The following KDM2B variants were observed in gnomAD, a reference collection of about 807,000 sequenced individuals.
The protein encoded by KDM2B is lysine-specific demethylase 2B.
In KDM2B, 26 loss-of-function variants were observed where a neutral mutation model predicts 150.0. That is an observed-to-expected ratio of 0.17 (90% CI 0.13 to 0.24). KDM2B has a LOEUF of 0.24. KDM2B is among the 10% of genes least tolerant of loss of function. KDM2B has a pLI of 1.00. For missense variants in KDM2B, 1,265 were observed against 1,816.9 expected (o/e 0.70, Z 5.52); for synonymous variants, 734 against 729.5 (o/e 1.01, Z -0.10).
chr12:121,455,647 G>C (rs1368244952), intron 12 of KDM2B, among the ~76,000 whole-genome samples: 1 of 152,180 alleles, frequency 6.6e-6, no homozygotes, highest in African/African-American at 2.4e-5. Context: ...TGAGGTGGCA[G>C]TGAGCTGTGA....
intron 11 of KDM2B, among the ~76,000 whole-genome samples, chr12:121,508,470 A>G (rs560660055): frequency 6.6e-6 from 1 of 152,316 alleles, no homozygotes; most frequent in South Asian, 2.1e-4. Context: ...TGAACTACCA[A>G]TCCTGAGTAC....
At chr12:121,559,057 G>A (rs1357437915) in intron 4 of KDM2B, among the ~76,000 whole-genome samples, 4 of 152,212 alleles carry the variant, frequency 2.6e-5, no homozygotes, top group African/African-American at 4.8e-5. Context: ...CAGGGTCCCC[G>A]CTGACTACAC....
At position 121,580,662 on chromosome 12, in the gene KDM2B, A is replaced by C. The variant is rs376663370; in HGVS notation, c.126+124T>G. 38 of 1,361,048 alleles carry C rather than the reference A, an allele frequency of 2.8e-5. No individual in the cohort carries two copies. The South Asian group carries it at 4.5e-4, about 16-fold the overall frequency. 84.3% of individuals were successfully genotyped at this position (1,361,048 alleles called of 1,614,324 possible). A position where few individuals can be genotyped will look rare whatever the true frequency, so the allele number is the denominator to read the frequency against. The stretch of plus-strand genomic sequence containing the variant: ...GGAGGCGCGGAAATGCAAGCCGAGC[A>C]TGCTGGCGTGAAAGCCCCCGGGGCC... On this transcript the variant is annotated intron_variant, in intron 1 of 22. Transcript: ENST00000377071.
At chr12:121,558,670 G>A (rs553882021) in intron 4 of KDM2B, among the ~76,000 whole-genome samples, 56 of 152,212 alleles carry the variant, frequency 3.7e-4, no homozygotes, top group African/African-American at 1.3e-3. Flanking sequence ...GGCCAAGATG[G>A]TCTCAAACTC....
chr12:121,571,186 G>C (rs1555315831), intron 4 of KDM2B, among the ~76,000 whole-genome samples: 1 of 152,206 alleles, frequency 6.6e-6, no homozygotes, highest in South Asian at 2.1e-4. Flanking sequence ...ATCTAACAGC[G>C]ATGGGGGAAT....
chr12:121,450,579 A>C (rs1877068976), intron 13 of KDM2B, among the ~76,000 whole-genome samples: 1 of 152,076 alleles, frequency 6.6e-6, no homozygotes, highest in Non-Finnish European at 1.5e-5. Flanking sequence ...AGGAACCTTC[A>C]TCGGGTGCGG....
At position 121,575,903 on chromosome 12, in the gene KDM2B, G is replaced by A. The variant is rs1555316801; in HGVS notation, c.272-44C>T. The A allele has an allele frequency of 6.9e-7, 1 of 1,447,922 alleles. No individual in the cohort carries two copies. The highest frequency in any genetic ancestry group is 1.7e-5 in the Admixed American group (1 of 59,718). 89.7% of individuals were successfully genotyped at this position (1,447,922 alleles called of 1,614,324 possible). Reference sequence around the variant, plus strand: ...TAAAACAAGTTGGTTAAGTCACGAAGGAGCAAATGAACCGGGATCTGTTGG... The same window carrying A: ...TAAAACAAGTTGGTTAAGTCACGAAAGAGCAAATGAACCGGGATCTGTTGG... On this transcript the variant is annotated intron_variant, in intron 2 of 22. Transcript: ENST00000377071. This position sits in a 1 kb window ranked among gnomAD's most constrained non-coding sequence, Gnocchi z 4.4.
At chr12:121,544,390 A>T (rs1555310291) in intron 6 of KDM2B, among the ~76,000 whole-genome samples, 1 of 152,174 alleles carries the variant, frequency 6.6e-6, no homozygotes, top group Non-Finnish European at 1.5e-5. Context: ...GCAGGTGATC[A>T]CCTGAGGTCA....
rs532073066 is a variant in KDM2B, at chr12:121,521,519, G to C, written c.932-419C>G. ...AGAGTCTTTCCTCACCATCCCAGAG[G>C]GGTCACAAAGGATGGCTGGGAACCA... On this transcript the variant is annotated intron_variant, in intron 8 of 22. Coordinates refer to ENST00000377071, the MANE Select transcript of KDM2B (RefSeq NM_032590.5). This position sits in a 1 kb window ranked among gnomAD's most constrained non-coding sequence, Gnocchi z 4.9. Among the ~76,000 whole-genome samples the C allele has an allele frequency of 2.0e-5, 3 of 152,284 alleles. No individual in the cohort carries two copies. The highest frequency in any genetic ancestry group is 1.3e-4 in the Admixed American group (2 of 15,300).
At chr12:121,472,702 T>C in intron 12 of KDM2B, among the ~76,000 whole-genome samples, 1 of 152,212 alleles carries the variant, frequency 6.6e-6, no homozygotes, top group East Asian at 1.9e-4. Context: ...GAGACATGTT[T>C]TTCCACCACT....
At position 121,536,107 on chromosome 12, in the gene KDM2B, C is replaced by T. The variant is rs1290778636; in HGVS notation, c.684-1517G>A. ...GACGGACAGGGAGGAGCCAGCAGCGCGCCGGCACGAGTGGAGATAATGCGG... is the reference window on the plus strand; with the variant it reads ...GACGGACAGGGAGGAGCCAGCAGCGTGCCGGCACGAGTGGAGATAATGCGG... On this transcript the variant is annotated intron_variant, in intron 6 of 22. Transcript: ENST00000377071. The T allele has an allele frequency of 5.1e-6, 5 of 985,632 alleles. No individual in the cohort carries two copies. The African/African-American group carries it at 5.2e-5, about 10-fold the overall frequency. 61.1% of individuals were successfully genotyped at this position (985,632 alleles called of 1,614,324 possible). A position where few individuals can be genotyped will look rare whatever the true frequency, so the allele number is the denominator to read the frequency against.
intron 13 of KDM2B, among the ~76,000 whole-genome samples, chr12:121,446,592 C>T (rs1249089826): frequency 6.6e-6 from 1 of 152,180 alleles, no homozygotes; most frequent in Admixed American, 6.5e-5. Context: ...GTGAAATGGC[C>T]ACTTTCTCCA....
At chr12:121,440,115 C>T in intron 21 of KDM2B, 40 bp from the exon 22 acceptor site, 1 of 1,485,708 alleles carries the variant, frequency 6.7e-7, no homozygotes, top group South Asian at 1.2e-5. Context: ...GTCAATCTGA[C>T]CGAGGAGGCC....
At chr12:121,580,585 AAGG>A (rs2136754741) in intron 1 of KDM2B, 198 bp downstream of exon 1, 2 of 661,322 alleles carry the variant, frequency 3.0e-6, no homozygotes, top group African/African-American at 2.0e-5. Context: ...GGAGGGAGGG[AAGG>A]AGGAGGGGGC....
chr12:121,552,868 C>T (rs1328628277), intron 4 of KDM2B, among the ~76,000 whole-genome samples: 1 of 152,050 alleles, frequency 6.6e-6, no homozygotes, highest in Admixed American at 6.6e-5. Flanking sequence ...CTTCCTTACC[C>T]AGGTGCCTGG....
chr12:121,580,541 AGGCGGCG>A, intron 1 of KDM2B: 1 of 1,117,556 alleles, frequency 8.9e-7, no homozygotes, highest in Non-Finnish European at 1.1e-6. Context: ...GCCGAGTTGC[AGGCGGCG>A]GGCGCATCCC....
At chr12:121,545,638 G>A (rs782215603) in intron 6 of KDM2B, among the ~76,000 whole-genome samples, 2 of 151,956 alleles carry the variant, frequency 1.3e-5, no homozygotes, top group Non-Finnish European at 2.9e-5. Context: ...CTCCCTGCCC[G>A]TCACTCCCAA....
At chr12:121,437,103 T>G (rs1555286957) in intron 22 of KDM2B, among the ~76,000 whole-genome samples, 1 of 150,198 alleles carries the variant, frequency 6.7e-6, no homozygotes, top group Non-Finnish European at 1.5e-5. Flanking sequence ...ACCAAAGGAG[T>G]CCAGGATGGC....
intron 10 of KDM2B, among the ~76,000 whole-genome samples, chr12:121,510,796 A>T (rs1277304286): frequency 6.8e-6 from 1 of 146,436 alleles, no homozygotes; most frequent in Non-Finnish European, 1.5e-5. Context: ...CTGTCTCAAA[A>T]AATAATAATA....
Sources: gnomAD v4.1 joint callset for allele counts (sites outside exome capture counted in the v4.1 genomes callset) on GRCh38, gnomAD v4.1.1 for gene constraint, Gnocchi (gnomAD v3.1) non-coding constraint, MANE v1.5 for transcripts, NCBI Gene and HGNC (gene_info 2026-07-23, HGNC 2026-07-21) for gene names.